DHX9: variants seen among roughly 807,000 people sequenced by gnomAD.
The protein encoded by DHX9 is DExH-box helicase 9.
DHX9 carries 27 observed loss-of-function variants against 148.7 expected under a neutral mutation model. The observed-to-expected ratio is 0.18, with a 90% confidence interval of 0.13 to 0.25. The LOEUF is 0.25. DHX9 is among the 10% of genes least tolerant of loss of function. The probability of loss-of-function intolerance (pLI) is 1.00; values close to 1 mark genes in which losing one functional copy is unlikely to be tolerated. For missense variants in DHX9, 796 were observed against 1,559.6 expected (o/e 0.51, Z 8.25); for synonymous variants, 529 against 516.6 (o/e 1.02, Z -0.33).
At chr1:182,843,535 T>A in intron 3 of DHX9, 101 bp downstream of exon 3, 1 of 1,192,208 alleles carries the variant, frequency 8.4e-7, no homozygotes, top group Non-Finnish European at 1.1e-6. Context: ...TGTTTTCAGA[T>A]ATATCGTGTT....
At chr1:182,844,232 A>G (rs1157779116) in intron 3 of DHX9, among the ~76,000 whole-genome samples, 1 of 152,192 alleles carries the variant, frequency 6.6e-6, no homozygotes, top group Non-Finnish European at 1.5e-5. Flanking sequence ...GATCACAGGC[A>G]TGGGCCACTG....
At chr1:182,840,306 T>TTTTTC (rs1667897863) in intron 1 of DHX9, among the ~76,000 whole-genome samples, 1 of 145,450 alleles carries the variant, frequency 6.9e-6, no homozygotes, top group African/African-American at 2.6e-5. Flanking sequence ...CGCCTTTTTT[T>TTTTTC]TTTTTTTTTT....
chr1:182,853,002 C>T lies in DHX9; in HGVS notation c.365-304C>T, dbSNP rs570986973. ...AGTGCAGTGGTGCAATCTTGGCTCA[C>T]TGCAACCTCCACCTCCCAGGTTCAA... On this transcript the variant is annotated intron_variant, in intron 4 of 27. Transcript: ENST00000367549. 4.8e-5 allele frequency among the ~76,000 whole-genome samples: 5 copies of T among 103,282 alleles called. No homozygotes were observed. The South Asian group carries it at 1.5e-3, about 31-fold the overall frequency. The allele number at this position is 103,282 out of a possible 152,430, so 67.8% of individuals were successfully genotyped here. A position where few individuals can be genotyped will look rare whatever the true frequency, so the allele number is the denominator to read the frequency against.
Position 182,881,436 on chromosome 1 carries a change from G to C in DHX9, c.2786+11G>C. On this transcript the variant is annotated intron_variant, in intron 23 of 27. Coordinates refer to ENST00000367549, the MANE Select transcript of DHX9 (RefSeq NM_001357.5). Reference sequence around the variant, plus strand: ...CTGGGATGATGCTAGGTATGAGTAAGATTTGGGTGAGCTGTCTGTAGTTTC... The same window carrying C: ...CTGGGATGATGCTAGGTATGAGTAACATTTGGGTGAGCTGTCTGTAGTTTC... 1.9e-6 allele frequency: 3 copies of C among 1,612,774 alleles called. No individual in the cohort carries two copies. The highest frequency in any genetic ancestry group is 2.2e-5 in the South Asian group (2 of 90,842).
chr1:182,849,982 ACC>A (rs11465005), intron 3 of DHX9, among the ~76,000 whole-genome samples: 5,036 of 123,954 alleles, frequency 0.041, 149 homozygotes, highest in Middle Eastern at 0.12. Flanking sequence ...GTACACACGT[ACC>A]CCCCCCCCTT....
chr1:182,855,004 A>C (rs1668228633), intron 6 of DHX9, among the ~76,000 whole-genome samples: 2 of 152,220 alleles, frequency 1.3e-5, no homozygotes, highest in Non-Finnish European at 2.9e-5. Context: ...ATTTTTCTCG[A>C]AAATCAAAGT....
At position 182,857,529 on chromosome 1, in the gene DHX9, C is replaced by T. The variant is rs185865992; in HGVS notation, c.674-575C>T. Among the ~76,000 whole-genome samples the T allele has an allele frequency of 8.7e-4, 132 of 152,298 alleles. 1 individual carries two copies. Among genetic ancestry groups the T allele is most frequent in the Non-Finnish European group, 1.2e-4 (8 of 68,022 alleles). On this transcript the variant is annotated intron_variant, in intron 7 of 27. Coordinates refer to ENST00000367549, the MANE Select transcript of DHX9 (RefSeq NM_001357.5). ...ACTTTACAGGTCACACATTGTTATTCTCATTTTATTTTTACAACTCTTGAA... is the reference window on the plus strand; with the variant it reads ...ACTTTACAGGTCACACATTGTTATTTTCATTTTATTTTTACAACTCTTGAA...
chr1:182,844,082 G>A (rs563020821), intron 3 of DHX9, among the ~76,000 whole-genome samples: 1 of 152,194 alleles, frequency 6.6e-6, no homozygotes, highest in South Asian at 2.1e-4. Context: ...CGAGTAGCTG[G>A]GATTACAGGC....
At chr1:182,850,414 G>C (rs896157025) in intron 3 of DHX9, among the ~76,000 whole-genome samples, 1 of 151,978 alleles carries the variant, frequency 6.6e-6, no homozygotes, top group African/African-American at 2.4e-5. Context: ...CAGCAACATA[G>C]ACCCCATCTC....
chr1:182,874,592 G>A (rs751645999), intron 15 of DHX9, among the ~76,000 whole-genome samples: 2 of 152,122 alleles, frequency 1.3e-5, no homozygotes, highest in Non-Finnish European at 1.5e-5. Flanking sequence ...ATGTTTGATT[G>A]AATGTTATAC....
chr1:182,853,291 T>C lies in DHX9; in HGVS notation c.365-15T>C. The C allele has an allele frequency of 3.2e-6, 5 of 1,579,638 alleles. No homozygotes were observed. The highest frequency in any genetic ancestry group is 4.3e-6 in the Non-Finnish European group (5 of 1,155,682). On this transcript the variant is annotated splice_polypyrimidine_tract_variant and intron_variant, in intron 4 of 27. Coordinates refer to ENST00000367549, the MANE Select transcript of DHX9 (RefSeq NM_001357.5). The stretch of plus-strand genomic sequence containing the variant: ...CAGTTATGACTCATTAAGAGAATTT[T>C]TTTTCTTTTAACAGAAAATAATTCT...
intron 6 of DHX9, among the ~76,000 whole-genome samples, chr1:182,854,824 A>G (rs1668225467): frequency 6.6e-6 from 1 of 152,220 alleles, no homozygotes; most frequent in Admixed American, 6.5e-5. Flanking sequence ...TCCTGAGAGC[A>G]TTCCAGGGTG....
chr1:182,866,228 G>A (rs1196358247), intron 12 of DHX9, among the ~76,000 whole-genome samples: 5 of 151,980 alleles, frequency 3.3e-5, no homozygotes, highest in South Asian at 2.1e-4. Context: ...AAGAGTTGGC[G>A]GCAATGACAA....
chr1:182,869,024 A>G (rs1441590109), intron 14 of DHX9, among the ~76,000 whole-genome samples: 6 of 152,180 alleles, frequency 3.9e-5, no homozygotes, highest in Admixed American at 3.3e-4. Flanking sequence ...TTGTTAATGT[A>G]GCAATGTTCT....
At chr1:182,851,438 A>G (rs1303834620) in intron 3 of DHX9, among the ~76,000 whole-genome samples, 2 of 152,240 alleles carry the variant, frequency 1.3e-5, no homozygotes, top group African/African-American at 2.4e-5. Flanking sequence ...TAGTTATACT[A>G]TTGCACAAAA....
chr1:182,854,893 AT>A (rs1386750610), intron 6 of DHX9, among the ~76,000 whole-genome samples: 1 of 152,120 alleles, frequency 6.6e-6, no homozygotes, highest in African/African-American at 2.4e-5. Context: ...GGAGCGATGT[AT>A]TTTTATTAGA....
intron 26 of DHX9, 89 bp downstream of exon 26, chr1:182,883,724 T>C (rs1649193048): frequency 1.2e-6 from 1 of 805,314 alleles, no homozygotes; most frequent in Non-Finnish European, 2.0e-6. Flanking sequence ...AATTATATAC[T>C]AATTATATCT....
At chr1:182,851,842 T>C (rs1028179227) in intron 3 of DHX9, among the ~76,000 whole-genome samples, 1 of 152,230 alleles carries the variant, frequency 6.6e-6, no homozygotes, top group Non-Finnish European at 1.5e-5. Context: ...AATTAAACAC[T>C]AATGACCAAT....
chr1:182,857,340 A>G (rs748930250), intron 7 of DHX9, among the ~76,000 whole-genome samples: 71 of 152,180 alleles, frequency 4.7e-4, no homozygotes, highest in Non-Finnish European at 8.7e-4. Context: ...TGAATGATAC[A>G]GGAGGAGAGG....
Sources: allele counts gnomAD v4.1 joint callset (sites outside exome capture counted in the v4.1 genomes callset), GRCh38; gene constraint gnomAD v4.1.1; transcripts MANE v1.5; gene names NCBI Gene and HGNC (gene_info 2026-07-23, HGNC 2026-07-21).